Variants in ATXN1 observed in about 807,000 individuals in gnomAD.
ATXN1 encodes ataxin-1.
Under a neutral mutation model 56.4 loss-of-function variants are expected in ATXN1, and 8 were observed. The ratio of observed to expected loss-of-function variants is 0.14; its 90% CI spans 0.08 to 0.26. The LOEUF (loss-of-function observed/expected upper bound fraction) is 0.26, where lower values mean the gene tolerates loss of function less well. Among genes scored for constraint, ATXN1 ranks in the 10% least tolerant of loss-of-function variants. The probability of loss-of-function intolerance (pLI) is 1.00; values close to 1 mark genes in which losing one functional copy is unlikely to be tolerated. For missense variants in ATXN1, 987 were observed against 1,106.5 expected, an observed-to-expected ratio of 0.89 and a Z score of 1.53; for synonymous variants, 514 against 494.6, an observed-to-expected ratio of 1.04 and a Z score of -0.52.
At chr6:16,522,390 A>G (rs1484429143) in intron 5 of ATXN1, among the ~76,000 whole-genome samples, 5 of 152,156 alleles carry the variant, frequency 3.3e-5, no homozygotes, top group African/African-American at 4.8e-5. Context: ...ATGACCTCGC[A>G]CGAGGCAAAG....
Position 16,760,381 on chromosome 6 carries a change from C to A in ATXN1, c.-730+917G>T, listed in dbSNP as rs1430285801. On this transcript the variant is annotated intron_variant, in intron 1 of 7. Coordinates refer to ENST00000436367, the MANE Select transcript of ATXN1 (RefSeq NM_001128164.2). The surrounding 1 kb of genome is among the most constrained non-coding windows in gnomAD (Gnocchi z 5.3). ...CGCGGGTGCTGGCGGGGGCGCCGGC[C>A]CGGACTGGGGCGCTCGCGGGCTCCC... Among the ~76,000 whole-genome samples, 1 of 151,748 alleles carries A rather than the reference C, an allele frequency of 6.6e-6. No homozygotes were observed. The highest frequency in any genetic ancestry group is 1.5e-5 in the Non-Finnish European group (1 of 67,880).
intron 6 of ATXN1, among the ~76,000 whole-genome samples, chr6:16,468,903 A>G (rs1466008786): frequency 1.3e-5 from 2 of 152,204 alleles, no homozygotes; most frequent in Non-Finnish European, 2.9e-5. Flanking sequence ...AAGCAGAAAA[A>G]AAAAAAAGGT....
At chr6:16,313,077 C>T (rs1760437293) in intron 7 of ATXN1, among the ~76,000 whole-genome samples, 1 of 152,012 alleles carries the variant, frequency 6.6e-6, no homozygotes, top group Non-Finnish European at 1.5e-5. Flanking sequence ...TGGTGTTTGG[C>T]CATTGTGGGT....
At chr6:16,315,754 G>C (rs1011806722) in intron 7 of ATXN1, among the ~76,000 whole-genome samples, 1 of 152,028 alleles carries the variant, frequency 6.6e-6, no homozygotes, top group East Asian at 1.9e-4. Context: ...CCTTGACCTC[G>C]TGGGCTCAAG....
At position 16,300,626 on chromosome 6, in the gene ATXN1, A is replaced by G. The variant is rs952167274; in HGVS notation, c.*5703T>C. 6.6e-6 allele frequency: 1 copy of G among 151,986 alleles called. No homozygotes were observed. Among genetic ancestry groups the G allele is most frequent in the Non-Finnish European group, 1.5e-5 (1 of 67,920 alleles). The allele number at this position is 151,986 out of a possible 1,614,324, so 9.4% of individuals were successfully genotyped here. On this transcript the variant is annotated 3_prime_UTR_variant, in exon 8 of 8. Coordinates refer to ENST00000436367, the MANE Select transcript of ATXN1 (RefSeq NM_001128164.2). ...GCATTTACATTGAAATCATGTTTTT[A>G]CTCCCCCCATTTAAATGAGGTGTGG...
At chr6:16,481,872 G>A (rs564715924) in intron 6 of ATXN1, among the ~76,000 whole-genome samples, 20 of 152,232 alleles carry the variant, frequency 1.3e-4, no homozygotes, top group East Asian at 9.6e-4. Flanking sequence ...AACCACCGCC[G>A]TTCACAGAAA....
At chr6:16,545,376 G>A (rs1761795151) in intron 4 of ATXN1, among the ~76,000 whole-genome samples, 1 of 151,340 alleles carries the variant, frequency 6.6e-6, no homozygotes, top group Admixed American at 6.6e-5. Context: ...ATAACATTTT[G>A]AGGAAGGATT....
chr6:16,663,155 G>A (rs1758356652), intron 2 of ATXN1, among the ~76,000 whole-genome samples: 1 of 151,886 alleles, frequency 6.6e-6, no homozygotes, highest in African/African-American at 2.4e-5. Context: ...CTTTAGTAGA[G>A]ACGGGGTTTC....
chr6:16,717,176 C>T (rs572350279), intron 2 of ATXN1, among the ~76,000 whole-genome samples: 6 of 152,370 alleles, frequency 3.9e-5, no homozygotes, highest in East Asian at 3.9e-4. Context: ...CTCAAAAGGG[C>T]GCCAGGGCTG....
chr6:16,309,072 T>TA (rs1348155371), intron 7 of ATXN1, among the ~76,000 whole-genome samples: 17 of 148,992 alleles, frequency 1.1e-4, no homozygotes, highest in South Asian at 2.1e-4. Context: ...TACAGAAATT[T>TA]AAAAAAAAAT....
chr6:16,334,393 C>T (rs905845675), intron 6 of ATXN1, among the ~76,000 whole-genome samples: 1 of 151,910 alleles, frequency 6.6e-6, no homozygotes, highest in Non-Finnish European at 1.5e-5. Context: ...ATATGAACAA[C>T]CATTTGGTAG....
At chr6:16,744,090 T>C (rs1760439895) in intron 2 of ATXN1, among the ~76,000 whole-genome samples, 1 of 152,156 alleles carries the variant, frequency 6.6e-6, no homozygotes, top group Non-Finnish European at 1.5e-5. Flanking sequence ...AGAACAACAA[T>C]ACATCTAGAC....
intron 5 of ATXN1, among the ~76,000 whole-genome samples, chr6:16,505,744 G>A (rs1313365840): frequency 1.3e-5 from 2 of 152,174 alleles, no homozygotes; most frequent in East Asian, 3.9e-4. Flanking sequence ...CTCTCAGGGA[G>A]AACCGACAGT....
chr6:16,728,455 C>T (rs1759897190), intron 2 of ATXN1, among the ~76,000 whole-genome samples: 1 of 152,204 alleles, frequency 6.6e-6, no homozygotes, highest in South Asian at 2.1e-4. Flanking sequence ...GTATGGGCAA[C>T]ATCTGGGATG....
chr6:16,494,427 G>C (rs1581800132), intron 5 of ATXN1, among the ~76,000 whole-genome samples: 3 of 152,234 alleles, frequency 2.0e-5, no homozygotes, highest in African/African-American at 7.2e-5. Context: ...ATTAGTACCG[G>C]CCTAAAGAAC....
chr6:16,474,355 G>T (rs1441362463), intron 6 of ATXN1, among the ~76,000 whole-genome samples: 1 of 152,258 alleles, frequency 6.6e-6, no homozygotes, highest in East Asian at 1.9e-4. Flanking sequence ...GCAAAGTGAA[G>T]AAGCTCAGAC....
rs550181163 is a variant in ATXN1, at chr6:16,640,465, C to T, written c.-489+17311G>A. ...TTGGGAGGCCAAGGTGGGCAGATCA[C>T]GAGTTCAGGAGATCAAGACCATCCT... On this transcript the variant is annotated intron_variant, in intron 3 of 7. Transcript: ENST00000436367. Among the ~76,000 whole-genome samples the T allele has an allele frequency of 3.3e-5, 5 of 152,226 alleles. No individual in the cohort carries two copies. In the East Asian group the frequency reaches 5.8e-4, roughly 18 times the overall value.
chr6:16,704,450 T>C (rs1759362585), intron 2 of ATXN1, among the ~76,000 whole-genome samples: 1 of 135,822 alleles, frequency 7.4e-6, no homozygotes, highest in African/African-American at 2.5e-5. Flanking sequence ...AAGTGCTTAC[T>C]TGCCCAGGGA....
chr6:16,423,425 A>G (rs1283531813), intron 6 of ATXN1, among the ~76,000 whole-genome samples: 4 of 152,204 alleles, frequency 2.6e-5, no homozygotes, highest in Non-Finnish European at 4.4e-5. Flanking sequence ...AATTACAAGG[A>G]ATGCTAGCTC....
Sources: gnomAD v4.1 joint callset for allele counts (sites outside exome capture counted in the v4.1 genomes callset) on GRCh38, gnomAD v4.1.1 for gene constraint, Gnocchi (gnomAD v3.1) non-coding constraint, MANE v1.5 for transcripts, NCBI Gene and HGNC (gene_info 2026-07-23, HGNC 2026-07-21) for gene names.